Variants in TMSB15B observed in about 807,000 individuals in gnomAD.
The protein encoded by TMSB15B is thymosin beta 15B.
the TMSB15B span, among the ~76,000 whole-genome samples, chrX:103,974,322 G>T: frequency 1.5e-4 from 1 of 6,753 alleles, no homozygotes; most frequent in African/African-American, 1.9e-4. Context: ...TAGTATTTCA[G>T]GTATGAGTTT....
At chrX:103,924,938 C>G (rs2074964153) in intron 1 of TMSB15B, among the ~76,000 whole-genome samples, 1 of 111,670 alleles carries the variant, frequency 9.0e-6, no homozygotes, top group South Asian at 3.8e-4. Context: ...GTTGCACCTT[C>G]CCATTCGTGG....
At chrX:103,945,357 G>A (rs2075022873) in intron 1 of TMSB15B, among the ~76,000 whole-genome samples, 1 of 111,951 alleles carries the variant, frequency 8.9e-6, no homozygotes, top group African/African-American at 3.3e-5. Context: ...TGAGGGCCTT[G>A]TACTGTGGCA....
intron 1 of TMSB15B, among the ~76,000 whole-genome samples, chrX:103,939,753 T>G (rs1450447184): frequency 2.7e-5 from 3 of 111,973 alleles, no homozygotes; most frequent in Non-Finnish European, 3.8e-5. Flanking sequence ...TTTTTGGACT[T>G]TTTAGCCTTT....
intron 1 of TMSB15B, among the ~76,000 whole-genome samples, chrX:103,944,366 T>G (rs185970979): frequency 1.1e-3 from 118 of 112,316 alleles, no homozygotes; most frequent in African/African-American, 3.6e-3. Flanking sequence ...TGCCCAAGAC[T>G]TCATAGCCAG....
intron 1 of TMSB15B, among the ~76,000 whole-genome samples, chrX:103,950,624 A>G (rs1380592479): frequency 1.3e-3 from 141 of 110,039 alleles, no homozygotes; most frequent in African/African-American, 4.5e-3. Context: ...ATATATATAT[A>G]TATATATAAA....
chrX:103,928,256 C>A, intron 1 of TMSB15B: 2 of 1,205,994 alleles, frequency 1.7e-6, no homozygotes, highest in South Asian at 1.8e-5. Flanking sequence ...GGTTGTGTTT[C>A]GGCAACAGAT....
At chrX:103,935,843 G>GTT (rs1165751386) in intron 1 of TMSB15B, among the ~76,000 whole-genome samples, 77 of 80,153 alleles carry the variant, frequency 9.6e-4, no homozygotes, top group Non-Finnish European at 1.1e-3. Flanking sequence ...CATAGGAGTT[G>GTT]TTTTTTTTTT....
At chrX:103,942,893 C>T (rs1253654889) in intron 1 of TMSB15B, among the ~76,000 whole-genome samples, 1 of 111,341 alleles carries the variant, frequency 9.0e-6, no homozygotes, top group Non-Finnish European at 1.9e-5. Context: ...AAAAGAAAAA[C>T]ATATATCTCT....
At chrX:103,938,900 C>T (rs1345786786) in intron 1 of TMSB15B, among the ~76,000 whole-genome samples, 1 of 112,090 alleles carries the variant, frequency 8.9e-6, no homozygotes, top group Non-Finnish European at 1.9e-5. Flanking sequence ...TTTTATTTCT[C>T]CTTTGCTTAT....
intron 1 of TMSB15B, among the ~76,000 whole-genome samples, chrX:103,922,786 T>A: frequency 8.9e-6 from 1 of 112,008 alleles, no homozygotes; most frequent in South Asian, 3.8e-4. Context: ...CGCCACACTG[T>A]CTTCCACAAT....
chrX:103,937,511 A>T (rs1266415609), intron 1 of TMSB15B, among the ~76,000 whole-genome samples: 1 of 111,279 alleles, frequency 9.0e-6, no homozygotes, highest in South Asian at 3.8e-4. Flanking sequence ...ATCAGTGGTG[A>T]TCTCCCCTTT....
chrX:103,923,838 T>G (rs1241261368), intron 1 of TMSB15B, among the ~76,000 whole-genome samples: 11 of 111,941 alleles, frequency 9.8e-5, no homozygotes, highest in Admixed American at 7.5e-4. Context: ...TCCATGAGCA[T>G]GGAAGGTTCT....
chrX:103,934,591 T>C lies in TMSB15B; in HGVS notation c.-721+15299T>C, dbSNP rs782579756. ...CACTTATGAGTGAGAGCGTGCAGTGTTTGGTTTTCTGTTCCTGTATTAGTT... is the reference window on the plus strand; with the variant it reads ...CACTTATGAGTGAGAGCGTGCAGTGCTTGGTTTTCTGTTCCTGTATTAGTT... On this transcript the variant is annotated intron_variant, in intron 1 of 3. Coordinates refer to the TMSB15B transcript ENST00000419165. Among the ~76,000 whole-genome samples, 11 of 111,257 alleles carry C rather than the reference T, an allele frequency of 9.9e-5. 1 individual carries two copies. The East Asian group carries it at 3.1e-3, about 31-fold the overall frequency.
chrX:103,936,713 T>G (rs1481480649), intron 1 of TMSB15B, among the ~76,000 whole-genome samples: 6 of 112,208 alleles, frequency 5.3e-5, no homozygotes, highest in Admixed American at 9.4e-5. Flanking sequence ...GAGGGCATCC[T>G]TGTCTTGAGC....
chrX:103,926,521 G>T, intron 1 of TMSB15B, among the ~76,000 whole-genome samples: 1 of 96,971 alleles, frequency 1.0e-5, no homozygotes, highest in Non-Finnish European at 2.1e-5. Flanking sequence ...TGGAGCAGGG[G>T]GGATAGGATG....
intron 1 of TMSB15B, among the ~76,000 whole-genome samples, chrX:103,951,635 G>T (rs2075039447): frequency 9.0e-6 from 1 of 111,296 alleles, no homozygotes; most frequent in African/African-American, 3.3e-5. Flanking sequence ...GGCTCATGGG[G>T]ATGTAGCTGG....
At position 103,944,495 on chromosome X, in the gene TMSB15B, C is replaced by T. The variant is rs782264648; in HGVS notation, c.-720-17526C>T. ...ACTCAAACATTTTGGGTTTAGAATACGACTGATGGATGAATTTGGCATGAA... is the reference window on the plus strand; with the variant it reads ...ACTCAAACATTTTGGGTTTAGAATATGACTGATGGATGAATTTGGCATGAA... On this transcript the variant is annotated intron_variant, in intron 1 of 3. Coordinates refer to the TMSB15B transcript ENST00000419165. Among the ~76,000 whole-genome samples, 6 of 112,190 alleles carry T rather than the reference C, an allele frequency of 5.3e-5. 1 individual carries two copies. Among genetic ancestry groups the T allele is most frequent in the South Asian group, 7.4e-4 (2 of 2,696 alleles).
At chrX:103,952,901 T>C (rs2075042416) in intron 1 of TMSB15B, among the ~76,000 whole-genome samples, 1 of 111,879 alleles carries the variant, frequency 8.9e-6, no homozygotes, top group Admixed American at 9.4e-5. Flanking sequence ...CACATTAATC[T>C]GTAATGACAG....
chrX:103,927,827 G>C (rs781786536), intron 1 of TMSB15B, among the ~76,000 whole-genome samples: 1 of 111,140 alleles, frequency 9.0e-6, no homozygotes, highest in Non-Finnish European at 1.9e-5. Context: ...AATATTTGCT[G>C]TGTCAGCAAA....
Sources: allele counts gnomAD v4.1 joint callset (sites outside exome capture counted in the v4.1 genomes callset), GRCh38; gene constraint gnomAD v4.1.1; transcripts MANE v1.5; gene names NCBI Gene and HGNC (gene_info 2026-07-23, HGNC 2026-07-21).